Variants in BRIP1 observed in about 807,000 individuals in gnomAD.
The protein encoded by BRIP1 is BRCA1 interacting DNA helicase 1.
In BRIP1, 88 loss-of-function variants were observed where a neutral mutation model predicts 119.7. That is an observed-to-expected ratio of 0.74 (90% CI 0.62 to 0.88). The LOEUF is 0.88. Among genes scored for constraint, BRIP1 ranks in the 40% least tolerant of loss-of-function variants. The pLI, the probability that BRIP1 is intolerant of heterozygous loss-of-function variation, is 0.00. For missense variants in BRIP1, 1,259 were observed against 1,455.4 expected (o/e 0.87, Z 2.20); for synonymous variants, 443 against 496.5 (o/e 0.89, Z 1.43).
Position 61,709,999 on chromosome 17 carries a change from T to C in BRIP1, c.2492+5952A>G, listed in dbSNP as rs2061747430. Among the ~76,000 whole-genome samples the C allele has an allele frequency of 6.6e-6, 1 of 152,182 alleles. No homozygotes were observed. Among genetic ancestry groups the C allele is most frequent in the Non-Finnish European group, 1.5e-5 (1 of 68,022 alleles). On this transcript the variant is annotated intron_variant, in intron 17 of 19. Coordinates refer to ENST00000259008, the MANE Select transcript of BRIP1 (RefSeq NM_032043.3). The surrounding 1 kb of genome is among the most constrained non-coding windows in gnomAD (Gnocchi z 5.0). ...CTTTTCTGTCAATCAATATACATTATGAGTTTTATTAAATAACATAAAACA... is the reference window on the plus strand; with the variant it reads ...CTTTTCTGTCAATCAATATACATTACGAGTTTTATTAAATAACATAAAACA...
rs1438839037 is a variant in BRIP1 at position 61,736,902 on chromosome 17, C to T, written c.2379+6111G>A. ...AATACTACAATATGCTTTTGAATTG[C>T]AATTCCTCTGTTTTCCCTATATTAT... On this transcript the variant is annotated intron_variant, in intron 16 of 19. Transcript: ENST00000259008. The surrounding 1 kb of genome is among the most constrained non-coding windows in gnomAD (Gnocchi z 4.4). Among the ~76,000 whole-genome samples, 3 of 152,096 alleles carry T rather than the reference C, an allele frequency of 2.0e-5. No homozygotes were observed. The highest frequency in any genetic ancestry group is 4.4e-5 in the Non-Finnish European group (3 of 67,998).
At chr17:61,696,921 G>A (rs1177475654) in intron 17 of BRIP1, among the ~76,000 whole-genome samples, 1 of 145,556 alleles carries the variant, frequency 6.9e-6, no homozygotes, top group Non-Finnish European at 1.5e-5. Flanking sequence ...GGGAGGTGGA[G>A]CTTGCAGTAA....
chr17:61,851,260 AT>A lies in BRIP1; in HGVS notation c.380-2005del, dbSNP rs1360543248. 6.6e-6 allele frequency among the ~76,000 whole-genome samples: 1 copy of A among 152,108 alleles called. No homozygotes were observed. The highest frequency in any genetic ancestry group is 2.4e-5 in the African/African-American group (1 of 41,430). On this transcript the variant is annotated intron_variant, in intron 4 of 19. Coordinates refer to ENST00000259008, the MANE Select transcript of BRIP1 (RefSeq NM_032043.3). The surrounding 1 kb of genome is among the most constrained non-coding windows in gnomAD (Gnocchi z 4.6). ...GAAAAAAAAAGAAATGTTGCTTAAA[AT>A]TTCCAAAATAGGGATGAAAGACCCA...
chr17:61,793,805 C>A lies in BRIP1; in HGVS notation c.1341-76G>T, dbSNP rs2077859009. 6.9e-7 allele frequency: 1 copy of A among 1,443,066 alleles called. No homozygotes were observed. Among genetic ancestry groups the A allele is most frequent in the Non-Finnish European group, 9.5e-7 (1 of 1,055,384 alleles). 89.4% of individuals were successfully genotyped at this position (1,443,066 alleles called of 1,614,324 possible). On this transcript the variant is annotated intron_variant, in intron 9 of 19. Transcript: ENST00000259008. The surrounding 1 kb of genome is among the most constrained non-coding windows in gnomAD (Gnocchi z 5.2). ...TATTTCAGCAGAACAAGAGAATCAT[C>A]ATTATTGTCATGCGTTGATCTGTAT...
rs1310088866 is a variant in BRIP1, at chr17:61,720,460, A to G, written c.2380-4397T>C. ...TTTAGGCTTTCAAGATATATTAACAAAACTTATACAGCAGTTCCCTCTTAT... is the reference window on the plus strand; with the variant it reads ...TTTAGGCTTTCAAGATATATTAACAGAACTTATACAGCAGTTCCCTCTTAT... On this transcript the variant is annotated intron_variant, in intron 16 of 19. Coordinates refer to ENST00000259008, the MANE Select transcript of BRIP1 (RefSeq NM_032043.3). This position sits in a 1 kb window ranked among gnomAD's most constrained non-coding sequence, Gnocchi z 4.3. Among the ~76,000 whole-genome samples the G allele has an allele frequency of 2.0e-5, 3 of 152,252 alleles. No individual in the cohort carries two copies. The highest frequency in any genetic ancestry group is 4.4e-5 in the Non-Finnish European group (3 of 68,042).
intron 13 of BRIP1, among the ~76,000 whole-genome samples, chr17:61,777,545 G>A (rs558330198): frequency 3.3e-5 from 5 of 152,262 alleles, no homozygotes; most frequent in South Asian, 2.1e-4. Context: ...GCTAGAAATC[G>A]GGCATCCCAC....
intron 16 of BRIP1, among the ~76,000 whole-genome samples, chr17:61,723,460 G>A (rs1235539932): frequency 6.6e-6 from 1 of 152,142 alleles, no homozygotes; most frequent in African/African-American, 2.4e-5. Flanking sequence ...TGATCTATTT[G>A]GGAGGTCATG....
chr17:61,693,379 A>T lies in BRIP1; in HGVS notation c.2575+51T>A, dbSNP rs753529522. ...TGTTATGTGTTTTTCACCACAATAA[A>T]AATATGAAGATTGTTACTAGTTTTT... is the stretch of plus-strand genomic sequence containing the variant. On this transcript the variant is annotated intron_variant, in intron 18 of 19. Coordinates refer to ENST00000259008, the MANE Select transcript of BRIP1 (RefSeq NM_032043.3). This position sits in a 1 kb window ranked among gnomAD's most constrained non-coding sequence, Gnocchi z 4.2. The T allele has an allele frequency of 1.3e-6, 2 of 1,483,826 alleles. No individual in the cohort carries two copies. The highest frequency in any genetic ancestry group is 2.3e-5 in the South Asian group (2 of 88,442). 91.9% of individuals were successfully genotyped at this position (1,483,826 alleles called of 1,614,324 possible). A position where few individuals can be genotyped will look rare whatever the true frequency, so the allele number is the denominator to read the frequency against.
intron 4 of BRIP1, among the ~76,000 whole-genome samples, chr17:61,854,987 T>C (rs889309251): frequency 4.6e-5 from 7 of 152,142 alleles, no homozygotes; most frequent in Non-Finnish European, 7.4e-5. Flanking sequence ...TCAAAATAAT[T>C]GTCATAAGTG....
Position 61,794,519 on chromosome 17 carries a change from A to C in BRIP1, c.1341-790T>G, listed in dbSNP as rs1409699675. Among the ~76,000 whole-genome samples, 1 of 152,016 alleles carries C rather than the reference A, an allele frequency of 6.6e-6. No individual in the cohort carries two copies. Among genetic ancestry groups the C allele is most frequent in the Non-Finnish European group, 1.5e-5 (1 of 67,986 alleles). On this transcript the variant is annotated intron_variant, in intron 9 of 19. Coordinates refer to ENST00000259008, the MANE Select transcript of BRIP1 (RefSeq NM_032043.3). This position sits in a 1 kb window ranked among gnomAD's most constrained non-coding sequence, Gnocchi z 4.3. Reference sequence around the variant, plus strand: ...CATGGACAAGAGGGGAACAGCACATACTGGGGCCTATCGGATGGTGTAGCG... The same window carrying C: ...CATGGACAAGAGGGGAACAGCACATCCTGGGGCCTATCGGATGGTGTAGCG...
chr17:61,751,969 A>G lies in BRIP1; in HGVS notation c.2098-7378T>C, dbSNP rs1235503989. 6.6e-6 allele frequency among the ~76,000 whole-genome samples: 1 copy of G among 152,018 alleles called. No individual in the cohort carries two copies. Among genetic ancestry groups the G allele is most frequent in the African/African-American group, 2.4e-5 (1 of 41,358 alleles). On this transcript the variant is annotated intron_variant, in intron 14 of 19. Coordinates refer to ENST00000259008, the MANE Select transcript of BRIP1 (RefSeq NM_032043.3). This position sits in a 1 kb window ranked among gnomAD's most constrained non-coding sequence, Gnocchi z 6.7. ...TTTTTAGTAGAGACGGGGTTTCACC[A>G]TATTGGTCAGGCTGGTCTCGAACTC...
chr17:61,774,550 G>A lies in BRIP1; in HGVS notation c.2097+1851C>T, dbSNP rs1050758374. On this transcript the variant is annotated intron_variant, in intron 14 of 19. Coordinates refer to ENST00000259008, the MANE Select transcript of BRIP1 (RefSeq NM_032043.3). This position sits in a 1 kb window ranked among gnomAD's most constrained non-coding sequence, Gnocchi z 5.8. ...GTATACGTATGTAACAAACCTGCAC[G>A]TTGTGCACATGTACCCTAGAACTTA... Among the ~76,000 whole-genome samples, 2 of 152,020 alleles carry A rather than the reference G, an allele frequency of 1.3e-5. No homozygotes were observed. Among genetic ancestry groups the A allele is most frequent in the African/African-American group, 2.4e-5 (1 of 41,396 alleles).
chr17:61,797,650 C>T (rs1371657671), intron 9 of BRIP1, among the ~76,000 whole-genome samples: 1 of 151,824 alleles, frequency 6.6e-6, no homozygotes, highest in Non-Finnish European at 1.5e-5. Flanking sequence ...ACACAAATGG[C>T]AAAATGGGGT....
In BRIP1 at chr17:61,803,796, CTACCAAAATTTAAAATTT is replaced by C. The variant is rs1456190120; in HGVS notation, c.919-2340_919-2323del. Among the ~76,000 whole-genome samples, 1 of 152,052 alleles carries C rather than the reference CTACCAAAATTTAAAATTT, an allele frequency of 6.6e-6. No homozygotes were observed. The highest frequency in any genetic ancestry group is 1.5e-5 in the Non-Finnish European group (1 of 68,012). On this transcript the variant is annotated intron_variant, in intron 7 of 19. Transcript: ENST00000259008. This position sits in a 1 kb window ranked among gnomAD's most constrained non-coding sequence, Gnocchi z 4.3. ...AGTACATAGGCAATTTGTCAAAAAA[CTACCAAAATTTAAAATTT>C]TACCATTAATGTGAATAGATGTACC...
At position 61,683,805 on chromosome 17, in the gene BRIP1, C is replaced by CA. The variant is rs779741278; in HGVS notation, c.3240dup (p.Ala1081CysfsTer5). The stretch of plus-strand genomic sequence containing the variant: ...GAATGATTTTTTCTAGTAAGGGTGG[C>CA]ATCAATCTTTAATGATGAAATAATG... On this transcript the variant is annotated frameshift_variant, in exon 20 of 20. Coordinates refer to ENST00000259008, the MANE Select transcript of BRIP1 (RefSeq NM_032043.3). LOFTEE classifies it low-confidence loss of function (END_TRUNC). The surrounding 1 kb of genome is among the most constrained non-coding windows in gnomAD (Gnocchi z 4.7). 5.0e-6 allele frequency: 8 copies of CA among 1,614,042 alleles called. No homozygotes were observed. The East Asian group carries it at 1.8e-4, about 36-fold the overall frequency.
In BRIP1 at chr17:61,834,496, C is replaced by T. The variant is rs1054883816; in HGVS notation, c.627+12605G>A. Among the ~76,000 whole-genome samples the T allele has an allele frequency of 2.0e-5, 3 of 152,002 alleles. No homozygotes were observed. The highest frequency in any genetic ancestry group is 1.9e-4 in the East Asian group (1 of 5,188). On this transcript the variant is annotated intron_variant, in intron 6 of 19. Transcript: ENST00000259008. This position sits in a 1 kb window ranked among gnomAD's most constrained non-coding sequence, Gnocchi z 4.4. ...CTGGGTATATATGTAATATATACTA[C>T]GTAACAAAAATGGCAACAAATTCTA...
intron 6 of BRIP1, among the ~76,000 whole-genome samples, chr17:61,837,489 A>G (rs2078592439): frequency 6.6e-6 from 1 of 152,162 alleles, no homozygotes; most frequent in African/African-American, 2.4e-5. Flanking sequence ...GCTACATTAA[A>G]TCAAATATAA....
chr17:61,849,050 T>C (rs1281265595), intron 5 of BRIP1, 79 bp downstream of exon 5: 1 of 1,471,832 alleles, frequency 6.8e-7, no homozygotes, highest in African/African-American at 1.4e-5. Context: ...TCTCCACAAG[T>C]GCATTAAAAA....
rs1217158890 is a variant in BRIP1 at position 61,862,186 on chromosome 17, T to C, written c.-30-617A>G. The stretch of plus-strand genomic sequence containing the variant: ...TCTTTGACATATCTTTTTACTTCTC[T>C]AGTCTAAGATCCTTACCTGTGATAA... On this transcript the variant is annotated intron_variant, in intron 1 of 19. Transcript: ENST00000259008. The surrounding 1 kb of genome is among the most constrained non-coding windows in gnomAD (Gnocchi z 5.3). The C allele has an allele frequency of 6.5e-6, 1 of 153,454 alleles. No homozygotes were observed. The highest frequency in any genetic ancestry group is 2.4e-5 in the African/African-American group (1 of 41,454). The allele number at this position is 153,454 out of a possible 1,614,324, so 9.5% of individuals were successfully genotyped here. A position where few individuals can be genotyped will look rare whatever the true frequency, so the allele number is the denominator to read the frequency against.
Sources: allele counts gnomAD v4.1 joint callset (sites outside exome capture counted in the v4.1 genomes callset), GRCh38; gene constraint gnomAD v4.1.1; non-coding constraint Gnocchi (gnomAD v3.1); transcripts MANE v1.5; gene names NCBI Gene and HGNC (gene_info 2026-07-23, HGNC 2026-07-21).